The following FHIT variants were observed in gnomAD, a reference collection of about 807,000 sequenced individuals.
FHIT encodes fragile histidine triad diadenosine triphosphatase, also known as bis(5'-adenosyl)-triphosphatase.
Under a neutral mutation model 17.9 loss-of-function variants are expected in FHIT, and 19 were observed. That is an observed-to-expected ratio of 1.06 (90% CI 0.74 to 1.56). The LOEUF (loss-of-function observed/expected upper bound fraction) is 1.56, where lower values mean the gene tolerates loss of function less well. Ranked by LOEUF, FHIT falls within the 40% of genes most tolerant of loss-of-function variation. FHIT has a pLI of 0.00. For synonymous variants in FHIT, 81 were observed against 69.7 expected, an observed-to-expected ratio of 1.16 and a Z score of -0.81; for missense variants, 248 against 189.2, an observed-to-expected ratio of 1.31 and a Z score of -1.82.
chr3:60,244,423 A>G (rs1429117994), intron 5 of FHIT, among the ~76,000 whole-genome samples: 1 of 152,098 alleles, frequency 6.6e-6, no homozygotes, highest in Non-Finnish European at 1.5e-5. Context: ...TAGTCACTTA[A>G]ACTTATTAAA....
At chr3:59,932,770 T>G (rs1433826383) in intron 7 of FHIT, among the ~76,000 whole-genome samples, 1 of 152,148 alleles carries the variant, frequency 6.6e-6, no homozygotes, top group East Asian at 1.9e-4. Flanking sequence ...CGATTACACT[T>G]CAAGTGGCTT....
chr3:59,844,321 A>C (rs1487979616), intron 8 of FHIT, among the ~76,000 whole-genome samples: 1 of 152,160 alleles, frequency 6.6e-6, no homozygotes, highest in African/African-American at 2.4e-5. Flanking sequence ...TAGGACTTTA[A>C]GTACTATGTT....
chr3:60,948,715 A>C (rs1300065805), intron 3 of FHIT, among the ~76,000 whole-genome samples: 1 of 152,242 alleles, frequency 6.6e-6, no homozygotes, highest in Admixed American at 6.5e-5. Flanking sequence ...ATTAGTAATG[A>C]AACAGCTATA....
chr3:60,862,341 T>C (rs1468713524), intron 3 of FHIT, among the ~76,000 whole-genome samples: 1 of 151,770 alleles, frequency 6.6e-6, no homozygotes, highest in African/African-American at 2.4e-5. Flanking sequence ...AATTTTTGTA[T>C]TTTTTTTATA....
intron 4 of FHIT, among the ~76,000 whole-genome samples, chr3:60,759,554 A>G (rs919894951): frequency 1.3e-5 from 2 of 152,178 alleles, no homozygotes; most frequent in African/African-American, 4.8e-5. Flanking sequence ...TTACAGATTG[A>G]CAGATCAGAA....
At chr3:60,957,927 A>G (rs1553779481) in intron 3 of FHIT, among the ~76,000 whole-genome samples, 1 of 152,270 alleles carries the variant, frequency 6.6e-6, no homozygotes. Context: ...TTAAATAAAT[A>G]CATTCTGTAG....
chr3:60,725,924 C>G (rs373446139), intron 4 of FHIT, among the ~76,000 whole-genome samples: 2 of 151,890 alleles, frequency 1.3e-5, no homozygotes, highest in Admixed American at 1.3e-4. Flanking sequence ...GATATTAAGG[C>G]TCACTGATGT....
chr3:60,780,851 G>T (rs1700362257), intron 4 of FHIT, among the ~76,000 whole-genome samples: 1 of 152,150 alleles, frequency 6.6e-6, no homozygotes, highest in Non-Finnish European at 1.5e-5. Flanking sequence ...CTGGGGAGGA[G>T]CCTGGTCCCT....
intron 5 of FHIT, among the ~76,000 whole-genome samples, chr3:60,050,813 G>C (rs1441713155): frequency 6.6e-6 from 1 of 152,166 alleles, no homozygotes; most frequent in Non-Finnish European, 1.5e-5. Flanking sequence ...AGCTGGGAGT[G>C]CTCAATAAAT....
At chr3:60,416,883 G>A (rs368169636) in intron 5 of FHIT, among the ~76,000 whole-genome samples, 5 of 152,104 alleles carry the variant, frequency 3.3e-5, no homozygotes, top group African/African-American at 4.8e-5. Context: ...TCAGGAGAGC[G>A]AGACCATCCT....
intron 8 of FHIT, among the ~76,000 whole-genome samples, chr3:59,785,112 G>C (rs13085511): frequency 0.26 from 38,799 of 151,866 alleles, 5,343 homozygotes; most frequent in South Asian, 0.43. Context: ...ACTATCACGA[G>C]GATGGCATCA....
intron 5 of FHIT, among the ~76,000 whole-genome samples, chr3:60,314,090 C>A (rs1000788456): frequency 3.7e-5 from 5 of 135,090 alleles, no homozygotes; most frequent in South Asian, 2.7e-4. Context: ...CGCTTTCACA[C>A]TGGCTTTATT....
At chr3:59,836,994 A>C (rs1305733673) in intron 8 of FHIT, among the ~76,000 whole-genome samples, 1 of 152,168 alleles carries the variant, frequency 6.6e-6, no homozygotes, top group Non-Finnish European at 1.5e-5. Context: ...ATCATTTCTA[A>C]ATTATATTCC....
At chr3:60,196,981 C>A (rs1455101147) in intron 5 of FHIT, among the ~76,000 whole-genome samples, 1 of 152,112 alleles carries the variant, frequency 6.6e-6, no homozygotes, top group Non-Finnish European at 1.5e-5. Context: ...CTCCATCCAA[C>A]ATGTAGATTA....
intron 3 of FHIT, among the ~76,000 whole-genome samples, chr3:60,926,805 T>C: frequency 6.6e-6 from 1 of 152,082 alleles, no homozygotes; most frequent in Non-Finnish European, 1.5e-5. Context: ...GATAGACTGC[T>C]AGCAAGACTA....
At chr3:60,444,947 G>C (rs1051641837) in intron 5 of FHIT, among the ~76,000 whole-genome samples, 2 of 152,042 alleles carry the variant, frequency 1.3e-5, no homozygotes, top group African/African-American at 4.8e-5. Context: ...TTTTCTGGCT[G>C]AGGAGAAACT....
intron 4 of FHIT, among the ~76,000 whole-genome samples, chr3:60,777,329 A>G (rs782051587): frequency 2.1e-4 from 32 of 152,364 alleles, no homozygotes; most frequent in Middle Eastern, 3.4e-3. Flanking sequence ...GGTTTGGTTC[A>G]GAAAGGCAGG....
At chr3:60,859,967 C>T (rs1275579010) in intron 3 of FHIT, among the ~76,000 whole-genome samples, 3 of 145,270 alleles carry the variant, frequency 2.1e-5, no homozygotes, top group Non-Finnish European at 4.5e-5. Flanking sequence ...TTGCTTGAAC[C>T]TGGGAGGCGG....
At chr3:61,194,352 A>G (rs1295112916) in intron 2 of FHIT, among the ~76,000 whole-genome samples, 1 of 152,118 alleles carries the variant, frequency 6.6e-6, no homozygotes, top group African/African-American at 2.4e-5. Flanking sequence ...GGGCTTTCCA[A>G]TGTATTTCCT....
Sources: allele counts gnomAD v4.1 joint callset (sites outside exome capture counted in the v4.1 genomes callset), GRCh38; gene constraint gnomAD v4.1.1; transcripts MANE v1.5; gene names NCBI Gene and HGNC (gene_info 2026-07-23, HGNC 2026-07-21).